The following WASF3 variants were observed in gnomAD, a reference collection of about 807,000 sequenced individuals.
WASF3 encodes WASP family member 3, also known as actin-binding protein WASF3.
In WASF3, 11 loss-of-function variants were observed where a neutral mutation model predicts 46.6. The observed-to-expected ratio is 0.24, with a 90% CI of 0.15 to 0.39. The LOEUF is 0.39. Ranked by LOEUF, WASF3 falls within the 10% of genes least tolerant of loss-of-function variation. The probability of loss-of-function intolerance (pLI) is 1.00; values close to 1 mark genes in which losing one functional copy is unlikely to be tolerated. For synonymous variants in WASF3, 242 were observed against 259.7 expected (o/e 0.93, Z 0.65); for missense variants, 576 against 669.8 (o/e 0.86, Z 1.55).
chr13:26,614,237 A>G (rs1881066529), intron 2 of WASF3, among the ~76,000 whole-genome samples: 1 of 152,236 alleles, frequency 6.6e-6, no homozygotes, highest in African/African-American at 2.4e-5. Flanking sequence ...GCATATCATT[A>G]CATATTAATT....
At chr13:26,579,539 G>A (rs1879915629) in intron 1 of WASF3, among the ~76,000 whole-genome samples, 1 of 152,024 alleles carries the variant, frequency 6.6e-6, no homozygotes, top group South Asian at 2.1e-4. Context: ...TACTTTTTGG[G>A]TTGTTTTGCA....
Position 26,682,798 on chromosome 13 carries a change from T to C in WASF3, c.1175T>C (p.Val392Ala), listed in dbSNP as rs1461455724. The change falls in exon 9 of 10, where the codon GTC becomes GCC. Residue 392 changes from valine to alanine, a missense_variant. Physicochemically the swap from Val to Ala is moderately conservative, Grantham distance 64. Around this residue, in one of 3 missense-constraint regions of WASF3, gnomAD observed 295 missense variants for 291.5 expected, o/e 1.01. Coordinates refer to ENST00000335327, the MANE Select transcript of WASF3 (RefSeq NM_006646.6). The surrounding 1 kb of genome is among the most constrained non-coding windows in gnomAD (Gnocchi z 4.4). The stretch of plus-strand genomic sequence containing the variant: ...CACCCACCCTCCACCGGGCTCCTGG[T>C]CACAGCCCCGCCACCCCCGGGCCCA... ...PPHPPSTGLL[V>A]TAPPPPGPPP... 3 of 1,610,916 alleles carry C rather than the reference T, an allele frequency of 1.9e-6. No individual in the cohort carries two copies. Among genetic ancestry groups the C allele is most frequent in the East Asian group, 4.5e-5 (2 of 44,856 alleles).
chr13:26,559,681 T>A (rs1879215617), intron 1 of WASF3, among the ~76,000 whole-genome samples: 1 of 152,146 alleles, frequency 6.6e-6, no homozygotes. Flanking sequence ...CTAGTACTAG[T>A]GATCGTCTTT....
chr13:26,596,709 A>G (rs1276475432), intron 1 of WASF3, among the ~76,000 whole-genome samples: 1 of 151,958 alleles, frequency 6.6e-6, no homozygotes, highest in Non-Finnish European at 1.5e-5. Flanking sequence ...TCAGATTATT[A>G]TTTCTTAAGA....
At position 26,565,663 on chromosome 13, in the gene WASF3, T is replaced by A. The variant is rs185653929; in HGVS notation, c.-109+7844T>A. Among the ~76,000 whole-genome samples, 852 of 152,350 alleles carry A rather than the reference T, an allele frequency of 5.6e-3. 8 individuals carry two copies. The highest frequency in any genetic ancestry group is 0.02 in the African/African-American group (813 of 41,584). ...AACACCTGTCTTGAGATTTTAATTC[T>A]TGCTGCAAACAGCATTTGTTTCCCA... On this transcript the variant is annotated intron_variant, in intron 1 of 9. Transcript: ENST00000335327.
chr13:26,638,098 G>T (rs1199457961), intron 2 of WASF3: 1 of 152,270 alleles, frequency 6.6e-6, no homozygotes, highest in African/African-American at 2.4e-5. Context: ...GTCTAAGGGA[G>T]ATTCAGCAGA....
intron 7 of WASF3, among the ~76,000 whole-genome samples, chr13:26,678,764 T>G (rs183182752): frequency 3.5e-4 from 54 of 152,316 alleles, no homozygotes; most frequent in Non-Finnish European, 6.3e-4. Context: ...TCACTGCCAC[T>G]CAGGGAGTCG....
chr13:26,615,168 T>C (rs1435482364), intron 2 of WASF3, among the ~76,000 whole-genome samples: 2 of 152,124 alleles, frequency 1.3e-5, no homozygotes, highest in African/African-American at 4.8e-5. Context: ...TGATATTTAG[T>C]CCTGTGTGTG....
intron 1 of WASF3, among the ~76,000 whole-genome samples, chr13:26,563,491 C>A (rs142416240): frequency 0.022 from 3,291 of 151,982 alleles, 42 homozygotes; most frequent in Middle Eastern, 0.041. Flanking sequence ...CCTGTCTCTA[C>A]TAAAAATACA....
chr13:26,667,975 T>C (rs532403156), intron 5 of WASF3, among the ~76,000 whole-genome samples: 3 of 152,284 alleles, frequency 2.0e-5, no homozygotes, highest in Admixed American at 6.5e-5. Context: ...AACAGTATTG[T>C]GTGTGGTTAT....
Position 26,671,860 on chromosome 13 carries a change from A to G in WASF3, c.423-12A>G, listed in dbSNP as rs927987893. ...TCTTTTCTTCCCTGACTTACAATACATTGATTTGTAGAGATGACAAGAAGG... is the reference window on the plus strand; with the variant it reads ...TCTTTTCTTCCCTGACTTACAATACGTTGATTTGTAGAGATGACAAGAAGG... On this transcript the variant is annotated splice_polypyrimidine_tract_variant and intron_variant, in intron 5 of 9. Coordinates refer to ENST00000335327, the MANE Select transcript of WASF3 (RefSeq NM_006646.6). 8 of 1,541,244 alleles carry G rather than the reference A, an allele frequency of 5.2e-6. No homozygotes were observed. The highest frequency in any genetic ancestry group is 2.8e-5 in the African/African-American group (2 of 71,862).
At chr13:26,607,655 AG>A (rs914971926) in intron 1 of WASF3, among the ~76,000 whole-genome samples, 7 of 151,690 alleles carry the variant, frequency 4.6e-5, no homozygotes, top group Admixed American at 3.3e-4. Context: ...TTTTTGAAAC[AG>A]GGTCTTGCTC....
At chr13:26,661,219 C>G (rs1566066698) in intron 3 of WASF3, among the ~76,000 whole-genome samples, 1 of 152,232 alleles carries the variant, frequency 6.6e-6, no homozygotes, top group Non-Finnish European at 1.5e-5. Context: ...TGCAGCAGAT[C>G]TCCAGAATGT....
chr13:26,610,087 A>G (rs970837507), intron 1 of WASF3, among the ~76,000 whole-genome samples: 1 of 152,094 alleles, frequency 6.6e-6, no homozygotes, highest in Non-Finnish European at 1.5e-5. Flanking sequence ...ACTGCGGGAC[A>G]TTCATTTGGA....
At chr13:26,554,096 C>CTTCTTTCTTTCT (rs57590764), upstream of WASF3, among the ~76,000 whole-genome samples, 443 of 7,366 alleles carry the variant, frequency 0.06, 65 homozygotes, top group Middle Eastern at 0.25. Flanking sequence ...TCCTTCCTTC[C>CTTCTTTCTTTCT]TTCTTTCTTT....
chr13:26,583,000 A>G (rs962231564), intron 1 of WASF3, among the ~76,000 whole-genome samples: 1 of 152,222 alleles, frequency 6.6e-6, no homozygotes, highest in Admixed American at 6.5e-5. Context: ...AGGCACCTCT[A>G]TGGATGCTTA....
intron 1 of WASF3, among the ~76,000 whole-genome samples, chr13:26,605,277 C>T (rs1370885874): frequency 6.6e-6 from 1 of 152,180 alleles, no homozygotes; most frequent in Non-Finnish European, 1.5e-5. Context: ...AAGCTGGAAG[C>T]CTTGTTTTAT....
At chr13:26,588,256 G>A (rs1046482475) in intron 1 of WASF3, among the ~76,000 whole-genome samples, 3 of 152,230 alleles carry the variant, frequency 2.0e-5, no homozygotes, top group African/African-American at 7.2e-5. Flanking sequence ...AAAATTCAGA[G>A]TGGGAGTTGG....
intron 1 of WASF3, among the ~76,000 whole-genome samples, chr13:26,568,274 GTCTGTGTGC>G (rs1879533303): frequency 6.6e-6 from 1 of 152,178 alleles, no homozygotes. Flanking sequence ...GAAGGTGGGT[GTCTGTGTGC>G]TCTGTGTGCT....
Sources: allele counts gnomAD v4.1 joint callset (sites outside exome capture counted in the v4.1 genomes callset), GRCh38; gene constraint gnomAD v4.1.1; regional missense constraint gnomAD v4.1.1; non-coding constraint Gnocchi (gnomAD v3.1); transcripts MANE v1.5; gene names NCBI Gene and HGNC (gene_info 2026-07-23, HGNC 2026-07-21).